Variants in PHC2 observed in about 807,000 individuals in gnomAD.
The protein encoded by PHC2 is polyhomeotic homolog 2.
In PHC2, 29 loss-of-function variants were observed where a neutral mutation model predicts 87.4. The ratio of observed to expected loss-of-function variants is 0.33; its 90% CI spans 0.25 to 0.45. The LOEUF is 0.45. Ranked by LOEUF, PHC2 falls within the 20% of genes least tolerant of loss-of-function variation. The pLI is 1.00. For missense variants in PHC2, 857 were observed against 1,136.7 expected (o/e 0.75, Z 3.54); for synonymous variants, 438 against 461.7 (o/e 0.95, Z 0.66).
chr1:33,416,584 G>GAAA lies in PHC2; in HGVS notation c.-55+14389_-55+14391dup, dbSNP rs61591207. 4.6e-3 allele frequency among the ~76,000 whole-genome samples: 535 copies of GAAA among 115,812 alleles called. 12 individuals carry two copies. Among genetic ancestry groups the GAAA allele is most frequent in the African/African-American group, 0.015 (475 of 30,924 alleles). 76.0% of individuals were successfully genotyped at this position (115,812 alleles called of 152,430 possible). ...GAGTGAGATTCTGTCTCAAAAAAAA[G>GAAA]AAAAAAAAAAAAAAAAAAAGAATTA... is the stretch of plus-strand genomic sequence containing the variant. On this transcript the variant is annotated intron_variant, in intron 1 of 14. Coordinates refer to ENST00000683057, the MANE Select transcript of PHC2 (RefSeq NM_001385109.1).
rs532837762 is a variant in PHC2, at chr1:33,332,796, G to C, written c.1762-392C>G. 1.8e-4 allele frequency among the ~76,000 whole-genome samples: 27 copies of C among 152,238 alleles called. No individual in the cohort carries two copies. The highest frequency in any genetic ancestry group is 6.3e-4 in the African/African-American group (26 of 41,528). On this transcript the variant is annotated intron_variant, in intron 10 of 14. Transcript: ENST00000683057. This position sits in a 1 kb window ranked among gnomAD's most constrained non-coding sequence, Gnocchi z 4.2. ...TGTGTGAGGCTGTACATACGAGAGAGAGACTCAGCACCCATTTTCTGATTT... is the reference window on the plus strand; with the variant it reads ...TGTGTGAGGCTGTACATACGAGAGACAGACTCAGCACCCATTTTCTGATTT...
At chr1:33,420,839 G>C (rs577592123) in intron 1 of PHC2, among the ~76,000 whole-genome samples, 1 of 152,120 alleles carries the variant, frequency 6.6e-6, no homozygotes, top group Non-Finnish European at 1.5e-5. Context: ...TCAAACTCTT[G>C]AGCTCAAGTG....
Position 33,355,153 on chromosome 1 carries a change from C to A in PHC2, c.1077G>T (p.Gln359His), listed in dbSNP as rs1352358504. The A allele has an allele frequency of 6.2e-7, 1 of 1,608,678 alleles. No individual in the cohort carries two copies. Among genetic ancestry groups the A allele is most frequent in the South Asian group, 1.1e-5 (1 of 90,490 alleles). The change falls in exon 8 of 15, where the codon CAG (glutamine) becomes CAT (histidine). Residue 359 changes from glutamine (Q) to histidine (H), a missense_variant. By Grantham distance (24) the Gln-to-His change is conservative. Transcript: ENST00000683057. The part of the protein sequence containing the change: ...VIQQQPQPQQ[Q>H]QPPPQQSRPV... ...GCCGTGACTGCTGGGGCGGCGGCTGCTGCTGTTGTGGCTGTGGCTGCTGCT... is the reference window on the plus strand; with the variant it reads ...GCCGTGACTGCTGGGGCGGCGGCTGATGCTGTTGTGGCTGTGGCTGCTGCT...
Position 33,367,377 on chromosome 1 carries a change from C to T in PHC2, c.715G>A (p.Gly239Ser). Residue 239 changes from glycine to serine, a missense_variant, in exon 7 of 15, where the codon GGC becomes AGC. Gly to Ser is a moderately conservative substitution (Grantham distance 56). This residue lies in a region of PHC2 where 832 missense variants were observed against 1,081.8 expected (regional missense o/e 0.77). Coordinates refer to ENST00000683057, the MANE Select transcript of PHC2 (RefSeq NM_001385109.1). The stretch of plus-strand genomic sequence containing the variant: ...AGGACAGGCTGAGTGGGGGTGGGGC[C>T]CGAGGCTGCTGCCGCTGGTGTCTGC... ...TQQTPAAAAS[G>S]PTPTQPVLPS... 6.2e-7 allele frequency: 1 copy of T among 1,604,700 alleles called. No homozygotes were observed. Among genetic ancestry groups the T allele is most frequent in the Admixed American group, 1.7e-5 (1 of 59,616 alleles).
chr1:33,374,803 C>G (rs1648068210), intron 2 of PHC2, among the ~76,000 whole-genome samples: 1 of 152,176 alleles, frequency 6.6e-6, no homozygotes, highest in South Asian at 2.1e-4. Flanking sequence ...CCAGTTTTCT[C>G]AACTACAGAA....
intron 1 of PHC2, among the ~76,000 whole-genome samples, chr1:33,401,780 A>G (rs1161399354): frequency 6.6e-6 from 1 of 152,218 alleles, no homozygotes; most frequent in African/African-American, 2.4e-5. Flanking sequence ...ACATCTCATT[A>G]AACAGTATGG....
At chr1:33,374,553 T>C (rs905363185) in intron 2 of PHC2, among the ~76,000 whole-genome samples, 1 of 152,202 alleles carries the variant, frequency 6.6e-6, no homozygotes, top group Non-Finnish European at 1.5e-5. Flanking sequence ...TTCTCCCTTG[T>C]TCCCTTATCT....
intron 1 of PHC2, among the ~76,000 whole-genome samples, chr1:33,395,559 T>C (rs1013819714): frequency 1.3e-5 from 2 of 152,176 alleles, no homozygotes; most frequent in African/African-American, 4.8e-5. Context: ...GTGAAATGCA[T>C]TAAGAAAAGA....
At chr1:33,359,457 G>A (rs1276743458) in intron 7 of PHC2, among the ~76,000 whole-genome samples, 1 of 152,200 alleles carries the variant, frequency 6.6e-6, no homozygotes, top group Non-Finnish European at 1.5e-5. Context: ...GTGCCTGTGG[G>A]AGAGGAATGG....
chr1:33,398,435 T>A (rs1455247619), intron 1 of PHC2, among the ~76,000 whole-genome samples: 1 of 152,358 alleles, frequency 6.6e-6, no homozygotes, highest in Non-Finnish European at 1.5e-5. Context: ...ACATGTTATT[T>A]AATGTATAGC....
chr1:33,425,536 T>C lies in PHC2; in HGVS notation c.-55+5440A>G, dbSNP rs544509584. ...AATTATAACAATGTGGTAAATGCTA[T>C]AATGAGATGCTGAAGTACGAAGAAA... On this transcript the variant is annotated intron_variant, in intron 1 of 14. Transcript: ENST00000683057. Among the ~76,000 whole-genome samples, 8 of 152,338 alleles carry C rather than the reference T, an allele frequency of 5.3e-5. No individual in the cohort carries two copies. In the South Asian group the frequency reaches 1.0e-3, roughly 20 times the overall value.
intron 9 of PHC2, chr1:33,335,453 A>G (rs889216766): frequency 1.2e-5 from 5 of 426,610 alleles, no homozygotes; most frequent in Non-Finnish European, 1.6e-5. Flanking sequence ...ATACTTTAAA[A>G]GTGATTTCAG....
intron 1 of PHC2, among the ~76,000 whole-genome samples, chr1:33,417,045 ATATATAT>A (rs1436166234): frequency 6.6e-6 from 1 of 152,160 alleles, no homozygotes; most frequent in African/African-American, 2.4e-5. Flanking sequence ...ATATAAAGTG[ATATATAT>A]TATTTGGAGA....
At chr1:33,327,145 C>T (rs1048545209) in intron 14 of PHC2, among the ~76,000 whole-genome samples, 8 of 152,148 alleles carry the variant, frequency 5.3e-5, no homozygotes, top group African/African-American at 9.7e-5. Context: ...TAGCGGATTT[C>T]GGAACTGGAA....
intron 9 of PHC2, chr1:33,348,978 T>G (rs1474035119): frequency 2.6e-6 from 2 of 760,230 alleles, no homozygotes; most frequent in Non-Finnish European, 3.2e-6. Flanking sequence ...TATTTCCCTG[T>G]CTGTGGACTT....
chr1:33,411,487 G>A (rs550326389), intron 1 of PHC2, among the ~76,000 whole-genome samples: 1 of 151,482 alleles, frequency 6.6e-6, no homozygotes, highest in East Asian at 1.9e-4. Context: ...TTAAGGCAAA[G>A]TTTAACATAA....
chr1:33,423,888 G>C (rs1650555783), intron 1 of PHC2, among the ~76,000 whole-genome samples: 1 of 152,210 alleles, frequency 6.6e-6, no homozygotes, highest in Admixed American at 6.5e-5. Context: ...CACGAGGTCA[G>C]GAGTTCAACA....
chr1:33,326,153 C>A, intron 14 of PHC2: 1 of 257,562 alleles, frequency 3.9e-6, no homozygotes, highest in Non-Finnish European at 7.9e-6. Context: ...CTTACTGCTG[C>A]TCACAGTAAA....
chr1:33,421,757 A>G (rs1294697112), intron 1 of PHC2, among the ~76,000 whole-genome samples: 1 of 152,198 alleles, frequency 6.6e-6, no homozygotes, highest in African/African-American at 2.4e-5. Flanking sequence ...GGGTTGAATG[A>G]ACAAACATAT....
Sources: gnomAD v4.1 joint callset for allele counts (sites outside exome capture counted in the v4.1 genomes callset) on GRCh38, gnomAD v4.1.1 for gene constraint, gnomAD v4.1.1 regional missense constraint, Gnocchi (gnomAD v3.1) non-coding constraint, MANE v1.5 for transcripts, NCBI Gene and HGNC (gene_info 2026-07-23, HGNC 2026-07-21) for gene names.